The following UNC5C variants were observed in gnomAD, a reference collection of about 807,000 sequenced individuals.
UNC5C encodes netrin receptor UNC5C.
UNC5C carries 47 observed loss-of-function variants against 99.8 expected under a neutral mutation model. That is an observed-to-expected ratio of 0.47 (90% CI 0.37 to 0.60). The LOEUF is 0.60. UNC5C is among the 20% of genes least tolerant of loss of function. The probability of loss-of-function intolerance (pLI) is 0.00; values close to 1 mark genes in which losing one functional copy is unlikely to be tolerated. For synonymous variants in UNC5C, 487 were observed against 452.2 expected (o/e 1.08, Z -0.98); for missense variants, 1,062 against 1,165.9 (o/e 0.91, Z 1.30).
chr4:95,414,152 A>G (rs943454634), intron 1 of UNC5C, among the ~76,000 whole-genome samples: 1 of 152,166 alleles, frequency 6.6e-6, no homozygotes, highest in African/African-American at 2.4e-5. Flanking sequence ...CTTTTATCAG[A>G]TATTTGGAAT....
chr4:95,184,865 A>T (rs1216231629), intron 13 of UNC5C, among the ~76,000 whole-genome samples, 182 bp downstream of exon 13: 2 of 152,250 alleles, frequency 1.3e-5, no homozygotes, highest in African/African-American at 4.8e-5. Context: ...AAGAATTTTT[A>T]AAAAGCATTC....
At chr4:95,249,023 AT>A (rs1249519714) in intron 5 of UNC5C, among the ~76,000 whole-genome samples, 1 of 151,778 alleles carries the variant, frequency 6.6e-6, no homozygotes, top group Non-Finnish European at 1.5e-5. Flanking sequence ...TTGATATCTT[AT>A]TTTTATAGCA....
At chr4:95,403,559 G>T (rs1047557022) in intron 1 of UNC5C, among the ~76,000 whole-genome samples, 3 of 152,166 alleles carry the variant, frequency 2.0e-5, no homozygotes, top group African/African-American at 7.2e-5. Context: ...GGGAGCCATT[G>T]TAAATATTTT....
intron 2 of UNC5C, among the ~76,000 whole-genome samples, chr4:95,328,890 C>A (rs557112660): frequency 6.6e-6 from 1 of 152,284 alleles, no homozygotes; most frequent in East Asian, 1.9e-4. Context: ...TTCCTTCCTG[C>A]TGGAGCCCAA....
chr4:95,487,675 T>C (rs1399505799), intron 1 of UNC5C, among the ~76,000 whole-genome samples: 1 of 151,734 alleles, frequency 6.6e-6, no homozygotes, highest in Non-Finnish European at 1.5e-5. Flanking sequence ...AACTCTCTCC[T>C]ACCACATCCT....
At chr4:95,457,400 C>G (rs982911520) in intron 1 of UNC5C, among the ~76,000 whole-genome samples, 1 of 152,106 alleles carries the variant, frequency 6.6e-6, no homozygotes, top group African/African-American at 2.4e-5. Context: ...CCTATCTTCT[C>G]TATCCATCTG....
At chr4:95,335,198 T>A (rs564086705) in intron 2 of UNC5C, among the ~76,000 whole-genome samples, 11 of 152,058 alleles carry the variant, frequency 7.2e-5, no homozygotes, top group African/African-American at 2.6e-4. Context: ...TTTCATGTAG[T>A]CCAACAGGAA....
chr4:95,478,620 C>T (rs1228961303), intron 1 of UNC5C, among the ~76,000 whole-genome samples: 5 of 151,944 alleles, frequency 3.3e-5, no homozygotes, highest in African/African-American at 4.8e-5. Context: ...ATTCAGTTAG[C>T]CTAGAGTGAC....
intron 3 of UNC5C, among the ~76,000 whole-genome samples, chr4:95,294,079 T>G (rs1262987113): frequency 6.6e-6 from 1 of 152,222 alleles, no homozygotes; most frequent in Admixed American, 6.5e-5. Flanking sequence ...TCATAAATAC[T>G]TGTTGATATT....
chr4:95,312,087 C>CA (rs1035388870), intron 2 of UNC5C, among the ~76,000 whole-genome samples: 17 of 150,572 alleles, frequency 1.1e-4, no homozygotes, highest in South Asian at 8.3e-4. Context: ...CAACAAAAAA[C>CA]AAAAAAAACC....
At chr4:95,341,482 G>A (rs1407855715) in intron 1 of UNC5C, among the ~76,000 whole-genome samples, 1 of 123,642 alleles carries the variant, frequency 8.1e-6, no homozygotes, top group African/African-American at 2.9e-5. Context: ...AAGAAAGAGA[G>A]AGAAAGAAAG....
At chr4:95,392,901 T>C (rs930319584) in intron 1 of UNC5C, among the ~76,000 whole-genome samples, 1 of 152,218 alleles carries the variant, frequency 6.6e-6, no homozygotes, top group Non-Finnish European at 1.5e-5. Context: ...TAAAACCATA[T>C]TGATTTACCT....
chr4:95,236,646 A>C (rs1021546842), intron 7 of UNC5C, among the ~76,000 whole-genome samples: 1 of 151,936 alleles, frequency 6.6e-6, no homozygotes, highest in Admixed American at 6.6e-5. Flanking sequence ...GAAAAAAAAT[A>C]CTTGTAATCT....
At chr4:95,314,419 A>G (rs757659220) in intron 2 of UNC5C, among the ~76,000 whole-genome samples, 2 of 152,018 alleles carry the variant, frequency 1.3e-5, no homozygotes, top group Non-Finnish European at 2.9e-5. Context: ...TAGCGGAGCT[A>G]TCCTGACATG....
intron 3 of UNC5C, among the ~76,000 whole-genome samples, chr4:95,278,734 C>T (rs141468059): frequency 6.6e-6 from 1 of 152,114 alleles, no homozygotes; most frequent in Non-Finnish European, 1.5e-5. Context: ...CCCACCTCAG[C>T]CTCCCAAAGT....
chr4:95,414,738 A>G (rs903497416), intron 1 of UNC5C, among the ~76,000 whole-genome samples: 3 of 152,200 alleles, frequency 2.0e-5, no homozygotes, highest in Non-Finnish European at 2.9e-5. Context: ...CCTTATCCAC[A>G]TGATGTTAAT....
chr4:95,225,305 C>T (rs1294583523), intron 7 of UNC5C, among the ~76,000 whole-genome samples: 2 of 152,180 alleles, frequency 1.3e-5, no homozygotes, highest in Non-Finnish European at 2.9e-5. Context: ...TATCTGCCCA[C>T]CTTAGCCTCC....
chr4:95,331,743 TA>T (rs1344801146), intron 2 of UNC5C, among the ~76,000 whole-genome samples: 4 of 152,232 alleles, frequency 2.6e-5, no homozygotes, highest in Non-Finnish European at 4.4e-5. Flanking sequence ...TGTACAATTA[TA>T]AAAAATAAAG....
Position 95,168,585 on chromosome 4 carries a change from A to G in UNC5C, c.*649T>C, listed in dbSNP as rs1032012569. 6.6e-6 allele frequency: 1 copy of G among 152,632 alleles called. No homozygotes were observed. Among genetic ancestry groups the G allele is most frequent in the African/African-American group, 2.4e-5 (1 of 41,446 alleles). 9.5% of individuals were successfully genotyped at this position (152,632 alleles called of 1,614,324 possible). Reference sequence around the variant, plus strand: ...AAAGGGCACCAGAAGGGTCCCTCCAAGGAATAGGAGTCTTAGTTATTTCTT... The same window carrying G: ...AAAGGGCACCAGAAGGGTCCCTCCAGGGAATAGGAGTCTTAGTTATTTCTT... On this transcript the variant is annotated 3_prime_UTR_variant, in exon 16 of 16. Transcript: ENST00000453304.
Sources: allele counts gnomAD v4.1 joint callset (sites outside exome capture counted in the v4.1 genomes callset), GRCh38; gene constraint gnomAD v4.1.1; transcripts MANE v1.5; gene names NCBI Gene and HGNC (gene_info 2026-07-23, HGNC 2026-07-21).